Variants in SLC9C1 observed in about 807,000 individuals in gnomAD.
SLC9C1 encodes sodium/hydrogen exchanger 10.
Under a neutral mutation model 140.9 loss-of-function variants are expected in SLC9C1, and 97 were observed. The ratio of observed to expected loss-of-function variants is 0.69; its 90% CI spans 0.58 to 0.82. The LOEUF (loss-of-function observed/expected upper bound fraction) is 0.82. SLC9C1 is among the 40% of genes least tolerant of loss of function. SLC9C1 has a pLI of 0.00. For missense variants in SLC9C1, 1,340 were observed against 1,389.3 expected (o/e 0.96, Z 0.56); for synonymous variants, 440 against 442.6 (o/e 0.99, Z 0.07).
intron 10 of SLC9C1, among the ~76,000 whole-genome samples, chr3:112,253,257 T>A (rs538003033): frequency 2.0e-5 from 3 of 152,280 alleles, no homozygotes; most frequent in African/African-American, 7.2e-5. Flanking sequence ...TTTCCACTGT[T>A]GCCGCCAAGT....
chr3:112,189,826 T>C (rs963564212), intron 20 of SLC9C1, among the ~76,000 whole-genome samples: 4 of 152,222 alleles, frequency 2.6e-5, no homozygotes, highest in Non-Finnish European at 4.4e-5. Context: ...CCTTGGGCAG[T>C]ATGGCCATTT....
intron 15 of SLC9C1, 97 bp downstream of exon 15, chr3:112,217,345 T>C (rs189871880): frequency 2.0e-4 from 284 of 1,413,946 alleles, no homozygotes; most frequent in Admixed American, 1.2e-3. Flanking sequence ...GCACTTATAG[T>C]ATAATAACAA....
At chr3:112,143,400 CTGT>C (rs2074689437) in intron 28 of SLC9C1, among the ~76,000 whole-genome samples, 1 of 152,116 alleles carries the variant, frequency 6.6e-6, no homozygotes, top group South Asian at 2.1e-4. Context: ...TTCATCATAT[CTGT>C]TGTTTTTGTC....
chr3:112,243,387 A>G (rs1360910408), intron 11 of SLC9C1, among the ~76,000 whole-genome samples: 3 of 152,244 alleles, frequency 2.0e-5, no homozygotes, highest in Admixed American at 6.5e-5. Flanking sequence ...GCCAGAGACC[A>G]CTATCCTAAG....
chr3:112,164,923 T>C (rs1267166877), intron 26 of SLC9C1, among the ~76,000 whole-genome samples: 1 of 152,264 alleles, frequency 6.6e-6, no homozygotes, highest in Non-Finnish European at 1.5e-5. Flanking sequence ...CAGACGTAGA[T>C]TTGGTCTTTT....
At chr3:112,244,308 C>G (rs954891665) in intron 10 of SLC9C1, among the ~76,000 whole-genome samples, 7 of 152,168 alleles carry the variant, frequency 4.6e-5, no homozygotes, top group Non-Finnish European at 1.0e-4. Flanking sequence ...AATTAGGACA[C>G]AAGTTTTGAC....
chr3:112,238,433 A>T (rs909201547), intron 12 of SLC9C1, among the ~76,000 whole-genome samples: 5 of 152,088 alleles, frequency 3.3e-5, no homozygotes, highest in Admixed American at 2.6e-4. Flanking sequence ...ATGTTTGATC[A>T]TCTGAAGCCT....
At chr3:112,252,769 G>T (rs1047201566) in intron 10 of SLC9C1, among the ~76,000 whole-genome samples, 2 of 152,178 alleles carry the variant, frequency 1.3e-5, no homozygotes, top group African/African-American at 2.4e-5. Context: ...TGAACTGCCA[G>T]CAAAGCACTG....
chr3:112,223,079 T>C (rs1576379786), intron 13 of SLC9C1, among the ~76,000 whole-genome samples: 1 of 152,152 alleles, frequency 6.6e-6, no homozygotes, highest in Admixed American at 6.6e-5. Context: ...AATATCAATA[T>C]ATTAAAGAAT....
At chr3:112,259,578 TAC>T (rs2079713456) in intron 10 of SLC9C1, among the ~76,000 whole-genome samples, 1 of 151,938 alleles carries the variant, frequency 6.6e-6, no homozygotes, top group African/African-American at 2.4e-5. Flanking sequence ...AAACATTGAG[TAC>T]ACATGGACAC....
intron 1 of SLC9C1, among the ~76,000 whole-genome samples, chr3:112,292,606 C>T (rs904330097): frequency 6.6e-6 from 1 of 152,052 alleles, no homozygotes; most frequent in African/African-American, 2.4e-5. Flanking sequence ...TGCAGTGGTG[C>T]GATCTCGGCT....
intron 10 of SLC9C1, among the ~76,000 whole-genome samples, chr3:112,247,533 G>T (rs1263035566): frequency 6.6e-6 from 1 of 152,148 alleles, no homozygotes; most frequent in Non-Finnish European, 1.5e-5. Flanking sequence ...CCATAGGGGA[G>T]TGTCCCTACT....
intron 13 of SLC9C1, among the ~76,000 whole-genome samples, chr3:112,227,917 C>T (rs949726108): frequency 1.3e-5 from 2 of 151,986 alleles, no homozygotes; most frequent in African/African-American, 4.8e-5. Flanking sequence ...GAAGAGAACA[C>T]AAAAAATGGG....
intron 12 of SLC9C1, 144 bp downstream of exon 12, chr3:112,239,696 A>G (rs2079089040): frequency 1.2e-6 from 1 of 804,136 alleles, no homozygotes; most frequent in Admixed American, 3.2e-5. Flanking sequence ...ACTCCCCCTT[A>G]CTACTTTGTT....
intron 26 of SLC9C1, among the ~76,000 whole-genome samples, chr3:112,158,887 TA>T (rs2075204588): frequency 6.6e-6 from 1 of 151,974 alleles, no homozygotes; most frequent in South Asian, 2.1e-4. Context: ...CTTCTGGTTT[TA>T]TTGATCTGGG....
At chr3:112,202,589 A>G (rs1256220529) in intron 17 of SLC9C1, among the ~76,000 whole-genome samples, 190 bp from the exon 18 acceptor site, 2 of 151,944 alleles carry the variant, frequency 1.3e-5, no homozygotes, top group African/African-American at 4.8e-5. Flanking sequence ...CTATTTCCCT[A>G]TAACTAATAA....
At chr3:112,143,201 C>T (rs1363343647) in intron 28 of SLC9C1, among the ~76,000 whole-genome samples, 1 of 150,430 alleles carries the variant, frequency 6.6e-6, no homozygotes, top group Non-Finnish European at 1.5e-5. Context: ...GATGAACATG[C>T]AAGTGCATGT....
In SLC9C1 at chr3:112,264,240, A is replaced by G. The variant is rs1576475402; in HGVS notation, c.982T>C (p.Tyr328His). The change falls in exon 9 of 29, where the codon TAC becomes CAC. Residue 328 changes from tyrosine to histidine, a missense_variant. Transcript: ENST00000305815. Reference protein sequence around the residue: ...TYLYIEFVDIYYSLNIYLTLI... With the variant: ...TYLYIEFVDIHYSLNIYLTLI... ...GTTAAGTAGATATTTAATGAATAGT[A>G]TATATCAACAAATTCTATATACAAA... 5 of 1,344,222 alleles carry G rather than the reference A, an allele frequency of 3.7e-6. No individual in the cohort carries two copies. The highest frequency in any genetic ancestry group is 4.9e-6 in the Non-Finnish European group (5 of 1,011,304). The allele number at this position is 1,344,222 out of a possible 1,614,324, so 83.3% of individuals were successfully genotyped here. A position where few individuals can be genotyped will look rare whatever the true frequency, so the allele number is the denominator to read the frequency against.
intron 15 of SLC9C1, among the ~76,000 whole-genome samples, chr3:112,211,603 T>C (rs1380867000): frequency 6.6e-6 from 1 of 152,166 alleles, no homozygotes; most frequent in Non-Finnish European, 1.5e-5. Context: ...GGAGCCTCAC[T>C]CATTGCTAGC....
Sources: gnomAD v4.1 joint callset for allele counts (sites outside exome capture counted in the v4.1 genomes callset) on GRCh38, gnomAD v4.1.1 for gene constraint, MANE v1.5 for transcripts, NCBI Gene and HGNC (gene_info 2026-07-23, HGNC 2026-07-21) for gene names.